The following THAP5 variants were observed in gnomAD, a reference collection of about 807,000 sequenced individuals.
THAP5 encodes THAP domain containing 5.
A neutral mutation model predicts 34.0 loss-of-function variants in THAP5; 26 were observed. The observed-to-expected ratio is 0.77, with a 90% CI of 0.56 to 1.06. The LOEUF is 1.06. Among genes scored for constraint, THAP5 ranks in the 50% least tolerant of loss-of-function variants. THAP5 has a pLI of 0.00. For synonymous variants in THAP5, 125 were observed against 153.0 expected (o/e 0.82, Z 1.35); for missense variants, 394 against 452.8 (o/e 0.87, Z 1.18).
chr7:108,564,267 T>A lies in THAP5; in HGVS notation c.1112A>T (p.Gln371Leu). The A allele has an allele frequency of 6.2e-7, 1 of 1,612,772 alleles. No individual in the cohort carries two copies. Among genetic ancestry groups the A allele is most frequent in the Non-Finnish European group, 8.5e-7 (1 of 1,179,582 alleles). ...GTTTTCTTCAGATAGCCAGTTTTCC[T>A]GCTTTAGCTGCCTTATAAGAGCTTC... The part of the protein sequence containing the change: ...SLEALIRQLK[Q>L]ENWLSEENVK... Residue 371 changes from glutamine to leucine, a missense_variant, in exon 3 of 3, where the codon CAG (glutamine) becomes CTG (leucine). By Grantham distance (113) the Gln-to-Leu change is moderately radical. Coordinates refer to ENST00000415914, the MANE Select transcript of THAP5 (RefSeq NM_001130475.3).
chr7:108,560,418 G>T (rs577736686), downstream of THAP5, among the ~76,000 whole-genome samples: 23 of 152,302 alleles, frequency 1.5e-4, no homozygotes, highest in South Asian at 4.8e-3. Context: ...TTCACTGGAT[G>T]CAACTGCAGC....
chr7:108,559,223 G>C (rs1489055509), downstream of THAP5, among the ~76,000 whole-genome samples: 1 of 152,228 alleles, frequency 6.6e-6, no homozygotes, highest in African/African-American at 2.4e-5. Context: ...GGGCAGCCTG[G>C]AGGCCCTTGA....
chr7:108,546,456 C>G, the THAP5 span, among the ~76,000 whole-genome samples: 1 of 152,176 alleles, frequency 6.6e-6, no homozygotes, highest in African/African-American at 2.4e-5. Context: ...ACATAGGACC[C>G]TTACCCACAC....
downstream of THAP5, among the ~76,000 whole-genome samples, chr7:108,553,880 A>T (rs1864369340): frequency 6.6e-6 from 1 of 152,088 alleles, no homozygotes; most frequent in South Asian, 2.1e-4. Context: ...AAATAGAAAT[A>T]CTCATGTGAT....
In THAP5 at chr7:108,569,616, G is replaced by C; in HGVS notation, c.-47C>G. 4.5e-6 allele frequency: 7 copies of C among 1,546,546 alleles called. No homozygotes were observed. The highest frequency in any genetic ancestry group is 6.1e-6 in the Non-Finnish European group (7 of 1,146,054). The stretch of plus-strand genomic sequence containing the variant: ...GACCGGGGCCGGCGACGGATGCAGG[G>C]CGGCCCTCCTCACTGAGGATGCGCC... On this transcript the variant is annotated 5_prime_UTR_variant, in exon 1 of 3. Coordinates refer to ENST00000415914, the MANE Select transcript of THAP5 (RefSeq NM_001130475.3).
downstream of THAP5, among the ~76,000 whole-genome samples, chr7:108,550,949 T>C (rs2038134765): frequency 6.6e-6 from 1 of 152,242 alleles, no homozygotes; most frequent in Non-Finnish European, 1.5e-5. Context: ...TTTTTTGTTC[T>C]ACTTTTTGGG....
the THAP5 span, among the ~76,000 whole-genome samples, chr7:108,548,272 G>T: frequency 3.9e-5 from 6 of 152,108 alleles, no homozygotes; most frequent in Non-Finnish European, 8.8e-5. Context: ...TGGCTTAGTA[G>T]GTGCTATTGT....
Position 108,569,512 on chromosome 7 carries a change from C to T in THAP5, c.58G>A (p.Asp20Asn). 2 of 1,551,808 alleles carry T rather than the reference C, an allele frequency of 1.3e-6. No individual in the cohort carries two copies. Among genetic ancestry groups the T allele is most frequent in the Non-Finnish European group, 1.7e-6 (2 of 1,147,020 alleles). The change falls in exon 1 of 3, where the codon GAC becomes AAC. Residue 20 changes from aspartate (D) to asparagine (N), a missense_variant. Physicochemically the swap from Asp to Asn is conservative, Grantham distance 23. Transcript: ENST00000415914. Reference protein sequence around the residue: ...CKNRRGRNNKDRKLSFYPFPL... With the variant: ...CKNRRGRNNKNRKLSFYPFPL... ...TACGGATAAAAACTCAGCTTCCGGT[C>T]TTTATTGTTTCGTCCCCGGCGGTTC...
chr7:108,569,028 G>T, intron 1 of THAP5: 1 of 877,204 alleles, frequency 1.1e-6, no homozygotes, highest in Non-Finnish European at 1.4e-6. Flanking sequence ...TTCAAGGTCG[G>T]TTACCTAATC....
intron 2 of THAP5, 161 bp downstream of exon 2, chr7:108,565,665 ATTTT>A (rs983055773): frequency 3.9e-6 from 2 of 506,922 alleles, no homozygotes; most frequent in South Asian, 8.7e-5. Flanking sequence ...CATGAGTTTA[ATTTT>A]TTTTAATTAT....
intron 1 of THAP5, 60 bp downstream of exon 1, chr7:108,569,430 A>C: frequency 1.3e-6 from 2 of 1,550,230 alleles, no homozygotes; most frequent in Non-Finnish European, 1.7e-6. Context: ...CCCAAGCCCA[A>C]AGGCCACAGG....
chr7:108,569,707 G>T, upstream of THAP5: 1 of 1,157,014 alleles, frequency 8.6e-7, no homozygotes, highest in Non-Finnish European at 1.2e-6. Context: ...CGCCTCGTCT[G>T]TCGACTCACT....
chr7:108,561,003 A>C (rs990786146), downstream of THAP5, among the ~76,000 whole-genome samples: 3 of 152,100 alleles, frequency 2.0e-5, no homozygotes, highest in African/African-American at 7.2e-5. Context: ...CAGAGCGTTG[A>C]GATTACAGGT....
In THAP5 at chr7:108,569,634, G is replaced by A. The variant is rs992547073; in HGVS notation, c.-65C>T. On this transcript the variant is annotated 5_prime_UTR_variant, in exon 1 of 3. Transcript: ENST00000415914. ...ATGCAGGGCGGCCCTCCTCACTGAG[G>A]ATGCGCCACAGGTCCAGGCCTCTCG... 2.0e-5 allele frequency: 31 copies of A among 1,538,572 alleles called. No homozygotes were observed. The highest frequency in any genetic ancestry group is 2.5e-5 in the Non-Finnish European group (29 of 1,141,336).
At chr7:108,545,032 T>G in the THAP5 span, among the ~76,000 whole-genome samples, 1 of 152,210 alleles carries the variant, frequency 6.6e-6, no homozygotes, top group African/African-American at 2.4e-5. Flanking sequence ...CTAGTAGAGA[T>G]ATTTTCAGAA....
intron 1 of THAP5, chr7:108,568,213 TTTTTC>T (rs1207367447): frequency 6.6e-6 from 1 of 152,284 alleles, no homozygotes; most frequent in East Asian, 1.9e-4. Flanking sequence ...TATCAGTTTT[TTTTTC>T]TTTTGAGACG....
chr7:108,565,896 T>C lies in THAP5; in HGVS notation c.207A>G (p.Arg69=). The change falls in exon 2 of 3, where the codon AGA becomes AGG. Residue 69 remains arginine (R), a synonymous_variant. Coordinates refer to ENST00000415914, the MANE Select transcript of THAP5 (RefSeq NM_001130475.3). ...TTTGTTTTAAATATCGAATACCCCA[T>C]CTGATGTCAAGAGAGTCAGGAGTAA... ...DHFTPDSLDI[R]WGIRYLKQTA... is the part of the protein sequence containing the mutation. 2 of 1,549,532 alleles carry C rather than the reference T, an allele frequency of 1.3e-6. No individual in the cohort carries two copies. The highest frequency in any genetic ancestry group is 1.7e-6 in the Non-Finnish European group (2 of 1,146,680).
chr7:108,560,596 A>G (rs1055139962), downstream of THAP5, among the ~76,000 whole-genome samples: 1 of 152,212 alleles, frequency 6.6e-6, no homozygotes, highest in African/African-American at 2.4e-5. Flanking sequence ...ATGTAGAGAA[A>G]CTTAGGGGCC....
rs1790409814 is a variant in THAP5 at position 108,563,662 on chromosome 7, A to G, written c.*529T>C. 6.6e-6 allele frequency: 1 copy of G among 152,240 alleles called. No individual in the cohort carries two copies. The highest frequency in any genetic ancestry group is 2.4e-5 in the African/African-American group (1 of 41,446). 9.4% of individuals were successfully genotyped at this position (152,240 alleles called of 1,614,324 possible). ...CAGAATTCAATAAATACTGAAAATA[A>G]TACATGGTTAATATCATCAAATTCT... On this transcript the variant is annotated 3_prime_UTR_variant, in exon 3 of 3. Transcript: ENST00000415914.
Sources: gnomAD v4.1 joint callset for allele counts (sites outside exome capture counted in the v4.1 genomes callset) on GRCh38, gnomAD v4.1.1 for gene constraint, MANE v1.5 for transcripts, NCBI Gene and HGNC (gene_info 2026-07-23, HGNC 2026-07-21) for gene names.